The following ARID1A variants were observed in gnomAD, a reference collection of about 807,000 sequenced individuals.
ARID1A encodes the protein AT-rich interactive domain-containing protein 1A.
ARID1A carries 20 observed loss-of-function variants against 212.6 expected under a neutral mutation model. The ratio of observed to expected loss-of-function variants is 0.09; its 90% CI spans 0.07 to 0.14. The LOEUF is 0.14. ARID1A is among the 10% of genes least tolerant of loss of function. The probability of loss-of-function intolerance (pLI) is 1.00; values close to 1 mark genes in which losing one functional copy is unlikely to be tolerated. For missense variants in ARID1A, 2,587 were observed against 3,059.0 expected (o/e 0.85, Z 3.64); for synonymous variants, 1,376 against 1,222.1 (o/e 1.13, Z -2.63).
chr1:26,696,216 C>G lies in ARID1A; in HGVS notation c.-188C>G. 7 of 841,478 alleles carry G rather than the reference C, an allele frequency of 8.3e-6. No homozygotes were observed. The highest frequency in any genetic ancestry group is 1.1e-5 in the Non-Finnish European group (7 of 652,684). 52.1% of individuals were successfully genotyped at this position (841,478 alleles called of 1,614,324 possible). On this transcript the variant is annotated 5_prime_UTR_variant, in exon 1 of 20. Transcript: ENST00000324856. ...GCCGCCTCCTCCTCCTCCGCCGCCG[C>G]CAGCCCGGAGCCTGAGCCGGCGGGG...
chr1:26,762,755 T>G (rs897225320), intron 7 of ARID1A, among the ~76,000 whole-genome samples: 4 of 152,238 alleles, frequency 2.6e-5, no homozygotes, highest in African/African-American at 9.6e-5. Context: ...CTTCTGGAAG[T>G]TGAAATGCCT....
At position 26,761,076 on chromosome 1, in the gene ARID1A, T is replaced by C. The variant is rs2124056885; in HGVS notation, c.2141T>C (p.Leu714Pro). 1 of 1,614,126 alleles carries C rather than the reference T, an allele frequency of 6.2e-7. No homozygotes were observed. The highest frequency in any genetic ancestry group is 8.5e-7 in the Non-Finnish European group (1 of 1,180,004). The change falls in exon 5 of 20, where the codon CTC becomes CCC. Residue 714 changes from leucine to proline, a missense_variant. Around this residue, in one of 11 missense-constraint regions of ARID1A, gnomAD observed 674 missense variants for 813.4 expected, o/e 0.83. Transcript: ENST00000324856. Reference sequence around the variant, plus strand: ...GTTGCTCAGTCTCGCTCAGGACCACTCTCGCCTGCTGCAGTGCCAGGTACC... The same window carrying C: ...GTTGCTCAGTCTCGCTCAGGACCACCCTCGCCTGCTGCAGTGCCAGGTACC... ...ASVAQSRSGP[L>P]SPAAVPGNQM...
At chr1:26,754,233 G>A (rs1178134460) in intron 4 of ARID1A, among the ~76,000 whole-genome samples, 1 of 152,220 alleles carries the variant, frequency 6.6e-6, no homozygotes, top group Non-Finnish European at 1.5e-5. Flanking sequence ...CTGGCTTTTT[G>A]TAGAGTAGAA....
Position 26,773,564 on chromosome 1 carries a change from C to G in ARID1A, c.3867-16C>G, listed in dbSNP as rs1220400923. 6.2e-7 allele frequency: 1 copy of G among 1,614,234 alleles called. No individual in the cohort carries two copies. Among genetic ancestry groups the G allele is most frequent in the South Asian group, 1.1e-5 (1 of 91,092 alleles). ...AAGCTATAGTGGGCTCAATCTGCCT[C>G]TCCAATTTTGTTTAGGACGGAGCCT... is the stretch of plus-strand genomic sequence containing the variant. On this transcript the variant is annotated splice_polypyrimidine_tract_variant and intron_variant, in intron 15 of 19. Transcript: ENST00000324856.
At chr1:26,712,075 T>C (rs1353806685) in intron 1 of ARID1A, among the ~76,000 whole-genome samples, 1 of 151,398 alleles carries the variant, frequency 6.6e-6, no homozygotes, top group Non-Finnish European at 1.5e-5. Context: ...AGCAAGACCC[T>C]GTCTATATAC....
At chr1:26,711,194 C>T (rs961785127) in intron 1 of ARID1A, among the ~76,000 whole-genome samples, 5 of 152,076 alleles carry the variant, frequency 3.3e-5, no homozygotes, top group South Asian at 4.2e-4. Context: ...TTGCAACCTC[C>T]GCCTCCTGGG....
At chr1:26,740,637 A>T (rs1265571461) in intron 4 of ARID1A, among the ~76,000 whole-genome samples, 1 of 152,232 alleles carries the variant, frequency 6.6e-6, no homozygotes, top group Non-Finnish European at 1.5e-5. Flanking sequence ...ATCTGATCTT[A>T]TGGGCTTGCA....
intron 4 of ARID1A, among the ~76,000 whole-genome samples, chr1:26,754,377 A>G (rs554774347): frequency 5.3e-4 from 81 of 152,220 alleles, no homozygotes; most frequent in Non-Finnish European, 1.0e-3. Flanking sequence ...AAAAATATTT[A>G]CTATGACTAG....
At chr1:26,718,512 G>T (rs183273854) in intron 1 of ARID1A, among the ~76,000 whole-genome samples, 3 of 152,124 alleles carry the variant, frequency 2.0e-5, no homozygotes, top group Non-Finnish European at 4.4e-5. Context: ...CTCGGTATCC[G>T]TAGGGGGTTG....
intron 1 of ARID1A, among the ~76,000 whole-genome samples, chr1:26,699,274 C>T (rs1213467805): frequency 2.6e-5 from 4 of 152,148 alleles, no homozygotes; most frequent in Non-Finnish European, 5.9e-5. Flanking sequence ...ACTATTCTAT[C>T]TTGTTTTATT....
At chr1:26,756,784 G>C (rs2080942287) in intron 4 of ARID1A, among the ~76,000 whole-genome samples, 1 of 151,520 alleles carries the variant, frequency 6.6e-6, no homozygotes, top group Admixed American at 6.6e-5. Context: ...CTCACTGCAA[G>C]CTGCGCCTTC....
intron 7 of ARID1A, 149 bp from the exon 8 acceptor site, chr1:26,762,824 C>G (rs576287955): frequency 4.8e-6 from 4 of 826,424 alleles, no homozygotes; most frequent in African/African-American, 3.5e-5. Context: ...GGAATCCCCC[C>G]CTTTTTCTCA....
At chr1:26,758,645 G>C (rs771855631) in intron 4 of ARID1A, among the ~76,000 whole-genome samples, 23 of 151,252 alleles carry the variant, frequency 1.5e-4, no homozygotes, top group South Asian at 6.3e-4. Flanking sequence ...AGAAGAAGAA[G>C]AACCAAGGAT....
chr1:26,737,189 C>T (rs1205379709), intron 4 of ARID1A, among the ~76,000 whole-genome samples: 1 of 152,034 alleles, frequency 6.6e-6, no homozygotes, highest in African/African-American at 2.4e-5. Context: ...ATTCTCGGCT[C>T]ACTGCAGTCT....
In ARID1A at chr1:26,779,371, G is replaced by C. The variant is rs776573378; in HGVS notation, c.5473G>C (p.Val1825Leu). The C allele has an allele frequency of 1.2e-6, 2 of 1,614,226 alleles. No homozygotes were observed. The highest frequency in any genetic ancestry group is 1.7e-5 in the Admixed American group (1 of 60,026). ...KIVQKNDPFV[V>L]DCSDKLGRVQ... Reference sequence around the variant, plus strand: ...CGTACAGAAGAATGATCCATTTGTGGTGGACTGCTCAGATAAGCTTGGGCG... The same window carrying C: ...CGTACAGAAGAATGATCCATTTGTGCTGGACTGCTCAGATAAGCTTGGGCG... The change falls in exon 20 of 20, where the codon GTG (valine) becomes CTG (leucine). Residue 1825 changes from valine (V) to leucine (L), a missense_variant. Val to Leu is a conservative substitution (Grantham distance 32). Around this residue, in one of 11 missense-constraint regions of ARID1A, gnomAD observed 890 missense variants for 1,098.2 expected, o/e 0.81. Coordinates refer to ENST00000324856, the MANE Select transcript of ARID1A (RefSeq NM_006015.6).
rs1471878830 is a variant in ARID1A, at chr1:26,697,119, C to T, written c.716C>T (p.Pro239Leu). ...CTGAGCTCCCCGAGAGGTGGCACTCCGGGCTCCGGCGCGGCGGCGGCTGCC... is the reference window on the plus strand; with the variant it reads ...CTGAGCTCCCCGAGAGGTGGCACTCTGGGCTCCGGCGCGGCGGCGGCTGCC... ...YALSSPRGGT[P>L]GSGAAAAAGS... The change falls in exon 1 of 20, where the codon CCG becomes CTG. Residue 239 changes from proline to leucine, a missense_variant. Physicochemically the swap from Pro to Leu is moderately conservative, Grantham distance 98 (BLOSUM62 -3). Coordinates refer to ENST00000324856, the MANE Select transcript of ARID1A (RefSeq NM_006015.6). 3 of 1,441,826 alleles carry T rather than the reference C, an allele frequency of 2.1e-6. No individual in the cohort carries two copies. Among genetic ancestry groups the T allele is most frequent in the African/African-American group, 1.5e-5 (1 of 66,638 alleles). The allele number at this position is 1,441,826 out of a possible 1,614,324, so 89.3% of individuals were successfully genotyped here.
intron 1 of ARID1A, among the ~76,000 whole-genome samples, 168 bp downstream of exon 1, chr1:26,697,708 C>T (rs1010521565): frequency 2.6e-5 from 4 of 152,054 alleles, no homozygotes; most frequent in African/African-American, 7.2e-5. Flanking sequence ...TGTCTGCCTT[C>T]CTCTCCTTCC....
Position 26,780,399 on chromosome 1 carries a change from T to C in ARID1A, c.6501T>C (p.Ala2167=), listed in dbSNP as rs774796784. The change falls in exon 20 of 20, where the codon GCT becomes GCC. Residue 2167 remains alanine (A), a synonymous_variant. Coordinates refer to ENST00000324856, the MANE Select transcript of ARID1A (RefSeq NM_006015.6). This position sits in a 1 kb window ranked among gnomAD's most constrained non-coding sequence, Gnocchi z 7.2. ...DRKNPVCREM[A]VVLLANLAQG... ...AGAACCCGGTGTGCCGGGAGATGGCTGTGGTACTGCTGGCCAACCTGGCTC... is the reference window on the plus strand; with the variant it reads ...AGAACCCGGTGTGCCGGGAGATGGCCGTGGTACTGCTGGCCAACCTGGCTC... 4 of 1,614,114 alleles carry C rather than the reference T, an allele frequency of 2.5e-6. No individual in the cohort carries two copies. The highest frequency in any genetic ancestry group is 3.4e-6 in the Non-Finnish European group (4 of 1,180,042).
chr1:26,738,851 G>A (rs976338075), intron 4 of ARID1A, among the ~76,000 whole-genome samples: 1 of 148,076 alleles, frequency 6.8e-6, no homozygotes. Context: ...CAGCCACTGC[G>A]CCCAGCTTCT....
Sources: gnomAD v4.1 joint callset for allele counts (sites outside exome capture counted in the v4.1 genomes callset) on GRCh38, gnomAD v4.1.1 for gene constraint, gnomAD v4.1.1 regional missense constraint, Gnocchi (gnomAD v3.1) non-coding constraint, MANE v1.5 for transcripts, NCBI Gene and HGNC (gene_info 2026-07-23, HGNC 2026-07-21) for gene names.